ILRUN: variants seen among roughly 807,000 people sequenced by gnomAD.
ILRUN encodes the protein protein ILRUN.
ILRUN carries 3 observed loss-of-function variants against 33.8 expected under a neutral mutation model. That is an observed-to-expected ratio of 0.09 (90% CI 0.04 to 0.23). The LOEUF (loss-of-function observed/expected upper bound fraction) is 0.23. Among genes scored for constraint, ILRUN ranks in the 10% least tolerant of loss-of-function variants. The probability of loss-of-function intolerance (pLI) is 1.00; values close to 1 mark genes in which losing one functional copy is unlikely to be tolerated. For missense variants in ILRUN, 210 were observed against 375.1 expected (o/e 0.56, Z 3.64); for synonymous variants, 124 against 138.9 (o/e 0.89, Z 0.75).
intron 1 of ILRUN, among the ~76,000 whole-genome samples, chr6:34,665,319 C>T (rs528126514): frequency 6.8e-6 from 1 of 146,978 alleles, no homozygotes; most frequent in Admixed American, 6.8e-5. Context: ...AAAAAATTAG[C>T]CAGGCTTGGT....
intron 3 of ILRUN, among the ~76,000 whole-genome samples, chr6:34,636,069 C>A (rs752501274): frequency 2.0e-5 from 3 of 152,030 alleles, no homozygotes; most frequent in Admixed American, 6.6e-5. Context: ...CCAACCCTGG[C>A]AATGCAGTGA....
chr6:34,633,903 G>T (rs1248356179), intron 3 of ILRUN, among the ~76,000 whole-genome samples: 1 of 122,322 alleles, frequency 8.2e-6, no homozygotes, highest in African/African-American at 3.0e-5. Context: ...GAGGGAGGGA[G>T]GGAGGGAGGG....
At chr6:34,651,789 C>CTTTT (rs11288958) in intron 2 of ILRUN, among the ~76,000 whole-genome samples, 22 of 102,796 alleles carry the variant, frequency 2.1e-4, no homozygotes, top group East Asian at 4.9e-4. Context: ...TTCCAAAAAA[C>CTTTT]TTTTTTTTTT....
intron 2 of ILRUN, among the ~76,000 whole-genome samples, chr6:34,649,564 C>T (rs1392910749): frequency 6.6e-6 from 1 of 151,890 alleles, no homozygotes; most frequent in African/African-American, 2.4e-5. Flanking sequence ...CAAAAAAAAC[C>T]CTGTCATGTT....
At chr6:34,669,427 C>T (rs1284008894) in intron 1 of ILRUN, among the ~76,000 whole-genome samples, 1 of 152,068 alleles carries the variant, frequency 6.6e-6, no homozygotes, top group Non-Finnish European at 1.5e-5. Flanking sequence ...CCATGCCCAG[C>T]CTGAGGCCTT....
chr6:34,667,105 A>G (rs1763022549), intron 1 of ILRUN, among the ~76,000 whole-genome samples: 1 of 152,246 alleles, frequency 6.6e-6, no homozygotes, highest in African/African-American at 2.4e-5. Flanking sequence ...GGAAAAAAAA[A>G]TCTATCTATA....
intron 3 of ILRUN, among the ~76,000 whole-genome samples, chr6:34,638,921 C>G (rs560049928): frequency 7.2e-5 from 11 of 152,156 alleles, no homozygotes; most frequent in African/African-American, 2.7e-4. Context: ...AAATGTCGGG[C>G]AGAATAGCAT....
intron 1 of ILRUN, among the ~76,000 whole-genome samples, chr6:34,665,643 G>T (rs1762979768): frequency 6.6e-6 from 1 of 151,952 alleles, no homozygotes; most frequent in African/African-American, 2.4e-5. Flanking sequence ...TTCACAGGCT[G>T]GTTTCGAACT....
At chr6:34,630,531 G>A (rs535211852) in intron 3 of ILRUN, among the ~76,000 whole-genome samples, 8 of 152,066 alleles carry the variant, frequency 5.3e-5, no homozygotes, top group Non-Finnish European at 1.0e-4. Flanking sequence ...CTACAGGCAC[G>A]TACCACCATA....
intron 4 of ILRUN, among the ~76,000 whole-genome samples, chr6:34,601,643 C>T (rs1213326561): frequency 6.6e-6 from 1 of 152,142 alleles, no homozygotes; most frequent in Non-Finnish European, 1.5e-5. Context: ...GATCCACAAG[C>T]CATTACATCG....
chr6:34,696,231 T>C, intron 1 of ILRUN: 1 of 523,142 alleles, frequency 1.9e-6, no homozygotes, highest in South Asian at 2.6e-5. Context: ...CTTCCGCCCC[T>C]CCTGCCTCCG....
rs932381768 is a variant in ILRUN, at chr6:34,587,787, C to T, written c.*2778G>A. 1.7e-5 allele frequency: 6 copies of T among 347,404 alleles called. No homozygotes were observed. The Admixed American group carries it at 1.9e-4, about 11-fold the overall frequency. 21.5% of individuals were successfully genotyped at this position (347,404 alleles called of 1,614,324 possible). A position where few individuals can be genotyped will look rare whatever the true frequency, so the allele number is the denominator to read the frequency against. On this transcript the variant is annotated 3_prime_UTR_variant, in exon 5 of 5. Coordinates refer to ENST00000374023, the MANE Select transcript of ILRUN (RefSeq NM_024294.4). Reference sequence around the variant, plus strand: ...GGCAAAAAGAAAAAAAGCATGCACACGTGCACATCCATCCACACACACACA... The same window carrying T: ...GGCAAAAAGAAAAAAAGCATGCACATGTGCACATCCATCCACACACACACA...
In ILRUN at chr6:34,623,836, CTTTT is replaced by C. The variant is rs534327439; in HGVS notation, c.512-16936_512-16933del. 5.9e-5 allele frequency among the ~76,000 whole-genome samples: 9 copies of C among 152,092 alleles called. No individual in the cohort carries two copies. In the South Asian group the frequency reaches 1.9e-3, roughly 32 times the overall value. On this transcript the variant is annotated intron_variant, in intron 3 of 4. Transcript: ENST00000374023. ...TGGTATTCTTACTCCTCCAATACTTCTTTTTCTTTTTGTTTTTTTGAGTCTCACT... is the reference window on the plus strand; with the variant it reads ...TGGTATTCTTACTCCTCCAATACTTCTCTTTTTGTTTTTTTGAGTCTCACT...
chr6:34,595,586 C>T (rs554578586), intron 4 of ILRUN: 1 of 203,128 alleles, frequency 4.9e-6, no homozygotes, highest in Non-Finnish European at 8.7e-6. Flanking sequence ...TTTAACATTC[C>T]AGGAAAAAAA....
At position 34,606,707 on chromosome 6, in the gene ILRUN, A is replaced by G. The variant is rs762160757; in HGVS notation, c.709T>C (p.Ser237Pro). 2.5e-6 allele frequency: 4 copies of G among 1,614,050 alleles called. No individual in the cohort carries two copies. In the Admixed American group the frequency reaches 6.7e-5, roughly 27 times the overall value. ...GGAGCCCATGTGTTTTTGCTGATCG[A>G]GTCGAACTCGGAGCCCCCAGGGTCT... ...LKDPGGSEFD[S>P]ISKNTWAPAP... The change falls in exon 4 of 5, where the codon TCG becomes CCG. Residue 237 changes from serine to proline, a missense_variant. Around this residue, in one of 4 missense-constraint regions of ILRUN, gnomAD observed 81 missense variants for 97.0 expected, o/e 0.84. Coordinates refer to ENST00000374023, the MANE Select transcript of ILRUN (RefSeq NM_024294.4).
intron 3 of ILRUN, among the ~76,000 whole-genome samples, chr6:34,644,152 A>AAC (rs1237015918): frequency 6.6e-6 from 1 of 152,226 alleles, no homozygotes; most frequent in Non-Finnish European, 1.5e-5. Flanking sequence ...TAACACTAAA[A>AAC]ACACACACAC....
rs367859471 is a variant in ILRUN, at chr6:34,696,607, G to A, written c.-4C>T. 48 of 1,600,054 alleles carry A rather than the reference G, an allele frequency of 3.0e-5. No individual in the cohort carries two copies. The highest frequency in any genetic ancestry group is 3.8e-5 in the Non-Finnish European group (45 of 1,175,660). ...GGTCTACGTCCATGCCCTCCATGGCGGGGACCGGACACCCGCTTCCCCGCC... is the reference window on the plus strand; with the variant it reads ...GGTCTACGTCCATGCCCTCCATGGCAGGGACCGGACACCCGCTTCCCCGCC... On this transcript the variant is annotated 5_prime_UTR_variant, in exon 1 of 5. Transcript: ENST00000374023.
intron 1 of ILRUN, among the ~76,000 whole-genome samples, chr6:34,664,021 C>T (rs1457721453): frequency 6.6e-6 from 1 of 152,096 alleles, no homozygotes; most frequent in East Asian, 1.9e-4. Context: ...AGAAACAGGG[C>T]CGTGAGCTAA....
chr6:34,666,939 A>C (rs1329292830), intron 1 of ILRUN, among the ~76,000 whole-genome samples: 1 of 152,236 alleles, frequency 6.6e-6, no homozygotes, highest in Non-Finnish European at 1.5e-5. Flanking sequence ...GAATAAAAGG[A>C]CTTTTAAAAA....
Sources: allele counts gnomAD v4.1 joint callset (sites outside exome capture counted in the v4.1 genomes callset), GRCh38; gene constraint gnomAD v4.1.1; regional missense constraint gnomAD v4.1.1; transcripts MANE v1.5; gene names NCBI Gene and HGNC (gene_info 2026-07-23, HGNC 2026-07-21).